TNNT2: variants seen among roughly 807,000 people sequenced by gnomAD.
TNNT2 encodes troponin T, cardiac muscle.
TNNT2 carries 34 observed loss-of-function variants against 62.4 expected under a neutral mutation model. That is an observed-to-expected ratio of 0.54 (90% CI 0.41 to 0.72). The LOEUF is 0.72. Among genes scored for constraint, TNNT2 ranks in the 30% least tolerant of loss-of-function variants. The pLI is 0.00. For synonymous variants in TNNT2, 123 were observed against 127.2 expected (o/e 0.97, Z 0.22); for missense variants, 275 against 381.9 (o/e 0.72, Z 2.33).
intron 12 of TNNT2, 189 bp downstream of exon 12, chr1:201,363,107 T>C (rs1658999197): frequency 3.0e-6 from 3 of 985,290 alleles, no homozygotes; most frequent in African/African-American, 1.7e-5. Context: ...AGCAAGCCCC[T>C]CCTAGTGCAA....
At chr1:201,368,323 G>C (rs1049458233) in intron 5 of TNNT2, 96 bp from the exon 6 acceptor site, 1 of 1,293,556 alleles carries the variant, frequency 7.7e-7, no homozygotes, top group Non-Finnish European at 1.1e-6. Context: ...AGTGGGGATG[G>C]GGGTCAAGAC....
intron 11 of TNNT2, chr1:201,363,706 G>A: frequency 2.3e-6 from 1 of 435,970 alleles, no homozygotes; most frequent in Non-Finnish European, 4.3e-6. Flanking sequence ...CACAGGAAGA[G>A]AGCTACGGGG....
chr1:201,366,280 CCTGTGAGTGGG>C, intron 8 of TNNT2: 3 of 1,025,146 alleles, frequency 2.9e-6, no homozygotes, highest in Non-Finnish European at 3.5e-6. Flanking sequence ...ATGGGAAGAG[CCTGTGAGTGGG>C]CAGAGGTGCC....
intron 15 of TNNT2, 118 bp downstream of exon 15, chr1:201,361,161 A>AG (rs35994539): frequency 2.1e-6 from 2 of 947,186 alleles, no homozygotes; most frequent in Non-Finnish European, 3.5e-6. Flanking sequence ...CAGGAGCTGA[A>AG]GGGGGCTGTT....
At chr1:201,364,833 A>T (rs3767546) in intron 10 of TNNT2, among the ~76,000 whole-genome samples, 23,300 of 151,938 alleles carry the variant, frequency 0.15, 2,303 homozygotes, top group African/African-American at 0.29. Context: ...TGCAGGTCAC[A>T]CTCCCCTTCA....
Position 201,368,042 on chromosome 1 carries a change from A to G in TNNT2, c.163+120T>C, listed in dbSNP as rs3729842. 0.83 allele frequency: 917,853 copies of G among 1,100,764 alleles called. 383,301 individuals are homozygous for G. Among genetic ancestry groups the G allele is most frequent in the South Asian group, 0.89 (71,519 of 80,232 alleles). The allele number at this position is 1,100,764 out of a possible 1,614,324, so 68.2% of individuals were successfully genotyped here. On this transcript the variant is annotated intron_variant, in intron 6 of 16. Coordinates refer to ENST00000656932, the MANE Select transcript of TNNT2 (RefSeq NM_001276345.2). ...GGCAATCAATGGTTGAATCTTAGTC[A>G]ATAGGAGAGTCAGGTGCACATGGGA... is the stretch of plus-strand genomic sequence containing the variant.
At chr1:201,362,101 G>A in intron 13 of TNNT2, 79 bp from the exon 14 acceptor site, 4 of 1,487,946 alleles carry the variant, frequency 2.7e-6, no homozygotes, top group East Asian at 2.3e-5. Context: ...CCCCCTGGGG[G>A]TGGAGCAAGG....
chr1:201,372,974 G>A (rs931114045), intron 2 of TNNT2: 9 of 662,814 alleles, frequency 1.4e-5, no homozygotes, highest in African/African-American at 8.9e-5. Flanking sequence ...CAAGGACACT[G>A]ATGACCCTGG....
At chr1:201,367,440 A>G (rs1246208427) in intron 7 of TNNT2, 2 of 505,154 alleles carry the variant, frequency 4.0e-6, no homozygotes, top group African/African-American at 3.8e-5. Context: ...CATCCTACGG[A>G]CACCACATCC....
chr1:201,367,466 C>T (rs1659868879), intron 7 of TNNT2: 1 of 548,280 alleles, frequency 1.8e-6, no homozygotes, highest in Non-Finnish European at 3.3e-6. Flanking sequence ...GTGATTTCAC[C>T]TAAGCTCTAG....
At chr1:201,361,238 GT>G in intron 15 of TNNT2, 40 bp downstream of exon 15, 1 of 1,587,974 alleles carries the variant, frequency 6.3e-7, no homozygotes, top group Non-Finnish European at 8.6e-7. Flanking sequence ...CAGGAGGAGT[GT>G]GAGATGGAGA....
chr1:201,377,519 C>T (rs769823764), intron 1 of TNNT2, 104 bp downstream of exon 1: 7 of 455,918 alleles, frequency 1.5e-5, no homozygotes, highest in Non-Finnish European at 2.6e-5. Context: ...TGGACTTCTG[C>T]GGACACAGGC....
At chr1:201,359,327 G>C in intron 16 of TNNT2, 72 bp from the exon 17 acceptor site, 1 of 1,563,276 alleles carries the variant, frequency 6.4e-7, no homozygotes, top group Non-Finnish European at 8.7e-7. Context: ...GCTGGGGTAG[G>C]ACTGGGGTGC....
At chr1:201,369,388 C>T (rs771498701) in intron 5 of TNNT2, 4 of 475,292 alleles carry the variant, frequency 8.4e-6, no homozygotes, top group Non-Finnish European at 1.7e-5. Flanking sequence ...GACTCTGTCC[C>T]CAGACCCCCC....
intron 1 of TNNT2, among the ~76,000 whole-genome samples, chr1:201,376,795 C>T (rs575549288): frequency 6.6e-6 from 1 of 152,286 alleles, no homozygotes; most frequent in South Asian, 2.1e-4. Flanking sequence ...CAGAGCAAGG[C>T]TTGTCCCAAG....
Position 201,365,122 on chromosome 1 carries a change from G to A in TNNT2, c.411+69C>T, listed in dbSNP as rs1659411022. Reference sequence around the variant, plus strand: ...AGGAAGGCTGTCTGGAGGAGGTGGGGCCTCACAAAAGGGATGGAGGACAGA... The same window carrying A: ...AGGAAGGCTGTCTGGAGGAGGTGGGACCTCACAAAAGGGATGGAGGACAGA... On this transcript the variant is annotated intron_variant, in intron 10 of 16. Transcript: ENST00000656932. 14 of 1,327,528 alleles carry A rather than the reference G, an allele frequency of 1.1e-5. No homozygotes were observed. In the South Asian group the frequency reaches 1.2e-4, roughly 11 times the overall value. 82.2% of individuals were successfully genotyped at this position (1,327,528 alleles called of 1,614,324 possible). A position where few individuals can be genotyped will look rare whatever the true frequency, so the allele number is the denominator to read the frequency against.
chr1:201,365,082 G>C, intron 10 of TNNT2, 109 bp downstream of exon 10: 2 of 895,410 alleles, frequency 2.2e-6, no homozygotes, highest in Non-Finnish European at 3.8e-6. Flanking sequence ...ACACCTAGCT[G>C]GGTTTGAGGC....
chr1:201,367,734 C>A, intron 7 of TNNT2, 37 bp downstream of exon 7: 7 of 1,612,896 alleles, frequency 4.3e-6, no homozygotes, highest in Middle Eastern at 1.7e-4. Flanking sequence ...TGAGGGGTTC[C>A]TTTGCCTCCC....
At chr1:201,368,540 G>A (rs879475861) in intron 5 of TNNT2, 7 of 491,192 alleles carry the variant, frequency 1.4e-5, no homozygotes, top group African/African-American at 5.8e-5. Flanking sequence ...TGCTTAAGCC[G>A]AGGTGTCCAG....
Sources: gnomAD v4.1 joint callset for allele counts (sites outside exome capture counted in the v4.1 genomes callset) on GRCh38, gnomAD v4.1.1 for gene constraint, MANE v1.5 for transcripts, NCBI Gene and HGNC (gene_info 2026-07-23, HGNC 2026-07-21) for gene names.